The following HEMGN variants were observed in gnomAD, a reference collection of about 807,000 sequenced individuals.
HEMGN encodes the protein erythroid differentiation-associated gene protein.
Under a neutral mutation model 45.7 loss-of-function variants are expected in HEMGN, and 32 were observed. That is an observed-to-expected ratio of 0.70 (90% confidence interval 0.53 to 0.94). The LOEUF is 0.94. Among genes scored for constraint, HEMGN ranks in the 40% least tolerant of loss-of-function variants. HEMGN has a pLI of 0.00. For synonymous variants in HEMGN, 183 were observed against 178.6 expected, an observed-to-expected ratio of 1.02 and a Z score of -0.20; for missense variants, 530 against 564.2, an observed-to-expected ratio of 0.94 and a Z score of 0.61.
At chr9:97,936,301 AC>A in intron 1 of HEMGN, 37 bp from the exon 2 acceptor site, 3 of 1,399,504 alleles carry the variant, frequency 2.1e-6, no homozygotes, top group Non-Finnish European at 3.0e-6. Context: ...AAAGTGATGA[AC>A]TGTGGTGTCT....
In HEMGN at chr9:97,930,741, C is replaced by T. The variant is rs746162223; in HGVS notation, c.654G>A (p.Met218Ile). 1.2e-6 allele frequency: 2 copies of T among 1,614,044 alleles called. No individual in the cohort carries two copies. The highest frequency in any genetic ancestry group is 2.2e-5 in the East Asian group (1 of 44,892). The stretch of plus-strand genomic sequence containing the variant: ...CTTCTCGTTTAGCCATATCTTGGTA[C>T]ATTTTGAAAGGATGGTCTTGAATTA... ...ISVIQDHPFK[M>I]YQDMAKREDL... Residue 218 changes from methionine (M) to isoleucine (I), a missense_variant, in exon 3 of 4, where the codon ATG becomes ATA. Met to Ile is a conservative substitution (Grantham distance 10). Coordinates refer to ENST00000616898, the MANE Select transcript of HEMGN (RefSeq NM_197978.3).
chr9:97,937,913 G>T, intron 1 of HEMGN, 145 bp downstream of exon 1: 1 of 583,254 alleles, frequency 1.7e-6, no homozygotes, highest in Non-Finnish European at 3.0e-6. Flanking sequence ...CACAGCCATC[G>T]AATGAAATTA....
In HEMGN at chr9:97,932,718, C is replaced by T. The variant is rs563393884; in HGVS notation, c.174-1497G>A. On this transcript the variant is annotated intron_variant, in intron 2 of 3. Coordinates refer to ENST00000616898, the MANE Select transcript of HEMGN (RefSeq NM_197978.3). ...ACTTGGGAGGCTGAGGCAAGAGAAT[C>T]GCTTGAACCCAGGAGATGGAGGTTG... Among the ~76,000 whole-genome samples the T allele has an allele frequency of 1.3e-4, 19 of 149,732 alleles. 1 individual carries two copies. Among genetic ancestry groups the T allele is most frequent in the Admixed American group, 5.4e-4 (8 of 14,772 alleles).
chr9:97,937,657 T>C lies in HEMGN; in HGVS notation c.79+401A>G, dbSNP rs1827086975. Among the ~76,000 whole-genome samples, 4 of 152,226 alleles carry C rather than the reference T, an allele frequency of 2.6e-5. No individual in the cohort carries two copies. The South Asian group carries it at 8.3e-4, about 32-fold the overall frequency. On this transcript the variant is annotated intron_variant, in intron 1 of 3. Coordinates refer to ENST00000616898, the MANE Select transcript of HEMGN (RefSeq NM_197978.3). ...TTTATTCAAAGAAGGAGTCTCTGGG[T>C]TCATCAGAATGCCAAAGAGATCCAT...
upstream of HEMGN, among the ~76,000 whole-genome samples, chr9:97,938,925 T>A (rs1470570042): frequency 6.6e-6 from 1 of 152,214 alleles, no homozygotes; most frequent in East Asian, 1.9e-4. Context: ...AAAAATTACT[T>A]CTTAATGAAA....
chr9:97,931,256 AC>A (rs1826948764), intron 2 of HEMGN, 35 bp from the exon 3 acceptor site: 1 of 1,495,710 alleles, frequency 6.7e-7, no homozygotes, highest in Middle Eastern at 1.8e-4. Flanking sequence ...CAGCAGTGGT[AC>A]TACAGAATTC....
intron 2 of HEMGN, among the ~76,000 whole-genome samples, chr9:97,934,742 T>C (rs1827026657): frequency 6.6e-6 from 1 of 152,162 alleles, no homozygotes; most frequent in Non-Finnish European, 1.5e-5. Context: ...GGACAAATGA[T>C]TCAAAACCCT....
At chr9:97,929,112 C>A (rs939417805) in intron 3 of HEMGN, among the ~76,000 whole-genome samples, 3 of 152,182 alleles carry the variant, frequency 2.0e-5, no homozygotes, top group African/African-American at 7.2e-5. Context: ...TTGACCATAT[C>A]GACCTTGCTG....
Position 97,936,258 on chromosome 9 carries a change from A to C in HEMGN, c.86T>G (p.Ile29Ser). ...HQEENHSPEV[I>S]GTWSLRNREL... ...TCTGTTTCTCAAACTCCAGGTTCCA[A>C]TGACTTCTGTAATAAAATGAAAGTG... The change falls in exon 2 of 4, where the codon ATT (isoleucine) becomes AGT (serine). Residue 29 changes from isoleucine to serine, a missense_variant. By Grantham distance (142) the Ile-to-Ser change is moderately radical (BLOSUM62 -2). Coordinates refer to ENST00000616898, the MANE Select transcript of HEMGN (RefSeq NM_197978.3). 4 of 1,603,434 alleles carry C rather than the reference A, an allele frequency of 2.5e-6. No individual in the cohort carries two copies. The highest frequency in any genetic ancestry group is 2.6e-6 in the Non-Finnish European group (3 of 1,171,874).
At chr9:97,940,447 G>GACACTCCAT (rs1827135673), upstream of HEMGN, among the ~76,000 whole-genome samples, 2 of 152,056 alleles carry the variant, frequency 1.3e-5, no homozygotes, top group African/African-American at 2.4e-5. Flanking sequence ...GGGTGGAGGA[G>GACACTCCAT]GCCAGTGGAG....
At chr9:97,935,452 A>G (rs1252590007) in intron 2 of HEMGN, among the ~76,000 whole-genome samples, 1 of 152,108 alleles carries the variant, frequency 6.6e-6, no homozygotes, top group East Asian at 1.9e-4. Flanking sequence ...GCTACAAAAC[A>G]TCTGCAGTGC....
At chr9:97,935,804 G>A (rs1827046802) in intron 2 of HEMGN, among the ~76,000 whole-genome samples, 2 of 152,188 alleles carry the variant, frequency 1.3e-5, no homozygotes, top group South Asian at 4.1e-4. Context: ...AAAGCTTGGC[G>A]AACAATCTTG....
At chr9:97,941,539 G>A (rs996135484), upstream of HEMGN, among the ~76,000 whole-genome samples, 12 of 152,160 alleles carry the variant, frequency 7.9e-5, no homozygotes, top group African/African-American at 2.9e-4. Context: ...ATTAAGGTTT[G>A]GATGATGGCA....
intron 2 of HEMGN, among the ~76,000 whole-genome samples, chr9:97,934,006 A>C (rs1361616480): frequency 6.6e-6 from 1 of 152,140 alleles, no homozygotes; most frequent in East Asian, 1.9e-4. Context: ...ATATAAACCT[A>C]AAGACCAATT....
intron 1 of HEMGN, among the ~76,000 whole-genome samples, chr9:97,937,823 A>C (rs1318637499): frequency 6.6e-6 from 1 of 152,190 alleles, no homozygotes; most frequent in Non-Finnish European, 1.5e-5. Context: ...TATAGCTCTC[A>C]CCACTTATTG....
upstream of HEMGN, among the ~76,000 whole-genome samples, chr9:97,940,266 G>A (rs7864412): frequency 2.1e-4 from 32 of 152,260 alleles, no homozygotes; most frequent in African/African-American, 7.2e-4. Flanking sequence ...GCTCATAGAG[G>A]AGAAAGTGTG....
At chr9:97,939,317 A>G (rs778933877), upstream of HEMGN, among the ~76,000 whole-genome samples, 2 of 152,256 alleles carry the variant, frequency 1.3e-5, no homozygotes, top group African/African-American at 2.4e-5. Flanking sequence ...TGTGCCTAGC[A>G]TATTGAACTT....
At chr9:97,943,823 C>A (rs1827184809) in intron 1 of HEMGN, among the ~76,000 whole-genome samples, 1 of 152,138 alleles carries the variant, frequency 6.6e-6, no homozygotes, top group Admixed American at 6.5e-5. Context: ...TCTCATAAAT[C>A]ATCAATGATT....
At chr9:97,933,302 A>G (rs1826992058) in intron 2 of HEMGN, among the ~76,000 whole-genome samples, 1 of 152,242 alleles carries the variant, frequency 6.6e-6, no homozygotes, top group African/African-American at 2.4e-5. Flanking sequence ...GTGCTTGTAT[A>G]TGTCAGGCAC....
Sources: allele counts gnomAD v4.1 joint callset (sites outside exome capture counted in the v4.1 genomes callset), GRCh38; gene constraint gnomAD v4.1.1; transcripts MANE v1.5; gene names NCBI Gene and HGNC (gene_info 2026-07-23, HGNC 2026-07-21).